The following CEACAM20 variants were observed in gnomAD, a reference collection of about 807,000 sequenced individuals.
CEACAM20 encodes cell adhesion molecule CEACAM20.
CEACAM20 carries 50 observed loss-of-function variants against 61.2 expected under a neutral mutation model. The observed-to-expected ratio is 0.82, with a 90% confidence interval of 0.65 to 1.03. The LOEUF (loss-of-function observed/expected upper bound fraction) is 1.03, where lower values mean the gene tolerates loss of function less well. CEACAM20 is among the 50% of genes least tolerant of loss of function. The probability of loss-of-function intolerance (pLI) is 0.00; values close to 1 mark genes in which losing one functional copy is unlikely to be tolerated. For synonymous variants in CEACAM20, 282 were observed against 287.7 expected (o/e 0.98, Z 0.20); for missense variants, 683 against 736.4 (o/e 0.93, Z 0.84).
chr19:44,523,704 A>G (rs565582560), intron 3 of CEACAM20, among the ~76,000 whole-genome samples: 14 of 152,266 alleles, frequency 9.2e-5, no homozygotes, highest in African/African-American at 2.9e-4. Flanking sequence ...GGTGTGAGCT[A>G]CAATAACCAT....
chr19:44,527,268 G>C (rs62116894), intron 1 of CEACAM20, among the ~76,000 whole-genome samples: 1,908 of 137,138 alleles, frequency 0.014, 23 homozygotes, highest in Non-Finnish European at 0.021. Flanking sequence ...CAGCCACCAT[G>C]ATGGCAACGA....
At chr19:44,513,055 C>G in intron 7 of CEACAM20, 102 bp from the exon 8 acceptor site, 3 of 1,308,112 alleles carry the variant, frequency 2.3e-6, no homozygotes, top group East Asian at 2.5e-5. Flanking sequence ...GCCCACAACC[C>G]TCTGAATTCC....
chr19:44,517,712 A>T (rs1334658445), intron 5 of CEACAM20, among the ~76,000 whole-genome samples: 1 of 151,024 alleles, frequency 6.6e-6, no homozygotes, highest in Non-Finnish European at 1.5e-5. Context: ...AAAAAAAAAA[A>T]GAAAAAAAAC....
intron 11 of CEACAM20, among the ~76,000 whole-genome samples, chr19:44,508,313 T>A (rs1253519504): frequency 6.6e-6 from 1 of 152,268 alleles, no homozygotes; most frequent in African/African-American, 2.4e-5. Flanking sequence ...CTTAGAACTA[T>A]GGAGCCATCA....
chr19:44,512,099 T>A, intron 8 of CEACAM20, 21 bp from the exon 9 acceptor site: 1 of 1,591,614 alleles, frequency 6.3e-7, no homozygotes, highest in Non-Finnish European at 8.6e-7. Flanking sequence ...TGAATCTCAG[T>A]CAGGAGCTGG....
chr19:44,506,205 T>C lies in CEACAM20; in HGVS notation c.1747A>G (p.Asn583Asp). ...NMESIYEELVNPEPNTYIQIN... is the reference protein window; with the variant it reads ...NMESIYEELVDPEPNTYIQIN... Reference sequence around the variant, plus strand: ...TGGATGTAAGTGTTGGGCTCTGGATTCACAAGCTCCTGTTAAACAAAGAGA... The same window carrying C: ...TGGATGTAAGTGTTGGGCTCTGGATCCACAAGCTCCTGTTAAACAAAGAGA... Residue 583 changes from asparagine to aspartate, a missense_variant, in exon 12 of 12, where the codon AAT (asparagine) becomes GAT (aspartate). Physicochemically the swap from Asn to Asp is conservative, Grantham distance 23 (BLOSUM62 1). Coordinates refer to ENST00000614924, the MANE Select transcript of CEACAM20 (RefSeq NM_001102597.3). 6.2e-7 allele frequency: 1 copy of C among 1,613,780 alleles called. No individual in the cohort carries two copies. Among genetic ancestry groups the C allele is most frequent in the East Asian group, 2.2e-5 (1 of 44,872 alleles).
intron 2 of CEACAM20, 142 bp downstream of exon 2, chr19:44,524,959 G>T: frequency 9.5e-7 from 1 of 1,056,038 alleles, no homozygotes; most frequent in Non-Finnish European, 1.4e-6. Context: ...CTGACCCCTG[G>T]CACAGCTGAC....
chr19:44,517,202 G>C lies in CEACAM20; in HGVS notation c.1053C>G (p.Ile351Met). The C allele has an allele frequency of 6.2e-7, 1 of 1,608,162 alleles. No homozygotes were observed. Among genetic ancestry groups the C allele is most frequent in the Non-Finnish European group, 8.5e-7 (1 of 1,179,850 alleles). Residue 351 changes from isoleucine (I) to methionine (M), a missense_variant, in exon 6 of 12, where the codon ATC becomes ATG. Ile to Met is a conservative substitution (Grantham distance 10). Transcript: ENST00000614924. ...TCATCTCAGATGCCGACTCCCTGGT[G>C]ATGTGCACTTGGTCAGGACCATCTG... ...TINYGPDQVH[I>M]TRESASEMIS... is the part of the protein sequence containing the mutation.
At chr19:44,523,054 CAGAT>C (rs1367914310) in intron 3 of CEACAM20, 142 bp from the exon 4 acceptor site, 2 of 720,162 alleles carry the variant, frequency 2.8e-6, no homozygotes, top group Non-Finnish European at 4.6e-6. Flanking sequence ...GTACAGCAGT[CAGAT>C]GGAGATGAAA....
chr19:44,506,572 A>G (rs1168559149), intron 11 of CEACAM20, among the ~76,000 whole-genome samples: 2 of 152,252 alleles, frequency 1.3e-5, no homozygotes, highest in Non-Finnish European at 2.9e-5. Context: ...ATTCTGTTAC[A>G]TAAGATTATG....
In CEACAM20 at chr19:44,520,803, T is replaced by C. The variant is rs915191214; in HGVS notation, c.752-51A>G. On this transcript the variant is annotated intron_variant, in intron 4 of 11. Coordinates refer to ENST00000614924, the MANE Select transcript of CEACAM20 (RefSeq NM_001102597.3). ...CAGGTTCAGGGAGATTTCCCTCATC[T>C]CCTGCCCTTGTGGGGCCCACAAGTT... The C allele has an allele frequency of 5.7e-6, 9 of 1,571,808 alleles. No individual in the cohort carries two copies. In the Middle Eastern group the frequency reaches 1.0e-3, roughly 176 times the overall value.
At chr19:44,513,615 CT>C (rs1432072010) in intron 6 of CEACAM20, among the ~76,000 whole-genome samples, 1 of 151,574 alleles carries the variant, frequency 6.6e-6, no homozygotes, top group Non-Finnish European at 1.5e-5. Flanking sequence ...TTTTTGTATT[CT>C]TTGGTAGAGA....
At position 44,524,061 on chromosome 19, in the gene CEACAM20, A is replaced by G; in HGVS notation, c.397T>C (p.Ser133Pro). Residue 133 changes from serine to proline, a missense_variant, in exon 3 of 12, where the codon TCA becomes CCA. Coordinates refer to ENST00000614924, the MANE Select transcript of CEACAM20 (RefSeq NM_001102597.3). Reference sequence around the variant, plus strand: ...CGAGCTTCACATTGGTAAGTCCCTGAGTCCTCCCGCTGGACAATGAGAATG... The same window carrying G: ...CGAGCTTCACATTGGTAAGTCCCTGGGTCCTCCCGCTGGACAATGAGAATG... ...LTILIVQRED[S>P]GTYQCEARDA... The G allele has an allele frequency of 6.4e-7, 1 of 1,572,376 alleles. No homozygotes were observed. The highest frequency in any genetic ancestry group is 8.6e-7 in the Non-Finnish European group (1 of 1,158,062).
chr19:44,519,805 G>A (rs939902), intron 5 of CEACAM20, among the ~76,000 whole-genome samples: 70,123 of 151,960 alleles, frequency 0.46, 18,139 homozygotes, highest in East Asian at 0.72. Context: ...CCCAATTGCT[G>A]TGCCCCCAAA....
intron 7 of CEACAM20, 101 bp from the exon 8 acceptor site, chr19:44,513,054 C>T (rs1015337788): frequency 7.7e-7 from 1 of 1,300,892 alleles, no homozygotes; most frequent in Non-Finnish European, 1.1e-6. Context: ...TGCCCACAAC[C>T]CTCTGAATTC....
At position 44,525,199 on chromosome 19, in the gene CEACAM20, G is replaced by T. The variant is rs368383252; in HGVS notation, c.98C>A (p.Thr33Asn). 72 of 1,609,494 alleles carry T rather than the reference G, an allele frequency of 4.5e-5. No homozygotes were observed. Among genetic ancestry groups the T allele is most frequent in the Non-Finnish European group, 5.9e-5 (70 of 1,178,214 alleles). Residue 33 changes from threonine (T) to asparagine (N), a missense_variant, in exon 2 of 12, where the codon ACC becomes AAC. Thr to Asn is a moderately conservative substitution (Grantham distance 65). Transcript: ENST00000614924. ...VWSPPAAAQL[T>N]LNANPLDATQ... ...GGCATCAAGTGGGTTGGCATTGAGG[G>T]TGAGCTGGGCTGCAGCTGGAGGACT...
At chr19:44,520,859 TG>T in intron 4 of CEACAM20, 107 bp from the exon 5 acceptor site, 5 of 1,065,300 alleles carry the variant, frequency 4.7e-6, no homozygotes, top group Non-Finnish European at 6.9e-6. Context: ...TGTGTGTGTG[TG>T]TGTGTGTGTT....
At chr19:44,524,367 A>G in intron 2 of CEACAM20, 106 bp from the exon 3 acceptor site, 2 of 1,262,170 alleles carry the variant, frequency 1.6e-6, no homozygotes, top group Non-Finnish European at 2.2e-6. Context: ...TGGAATTGCC[A>G]GAAGACTCTC....
intron 10 of CEACAM20, among the ~76,000 whole-genome samples, chr19:44,511,425 C>G (rs531171953): frequency 3.9e-5 from 6 of 152,300 alleles, no homozygotes; most frequent in African/African-American, 1.4e-4. Flanking sequence ...CAATTCCAAG[C>G]CCTGGAGGTG....
Sources: allele counts gnomAD v4.1 joint callset (sites outside exome capture counted in the v4.1 genomes callset), GRCh38; gene constraint gnomAD v4.1.1; transcripts MANE v1.5; gene names NCBI Gene and HGNC (gene_info 2026-07-23, HGNC 2026-07-21).